HHLA2: variants seen among roughly 807,000 people sequenced by gnomAD.
The protein encoded by HHLA2 is HHLA2 member of B7 family.
A neutral mutation model predicts 45.9 loss-of-function variants in HHLA2; 48 were observed. That is an observed-to-expected ratio of 1.05 (90% confidence interval 0.83 to 1.33). The LOEUF is 1.33. Among genes scored for constraint, HHLA2 ranks in the 40% most tolerant of loss-of-function variants. The pLI is 0.00. For missense variants in HHLA2, 462 were observed against 494.3 expected (o/e 0.93, Z 0.62); for synonymous variants, 161 against 173.9 (o/e 0.93, Z 0.59).
chr3:108,358,210 G>A (rs753447233), intron 7 of HHLA2, 49 bp downstream of exon 6: 1 of 1,351,856 alleles, frequency 7.4e-7, no homozygotes, highest in South Asian at 1.4e-5. Context: ...TAGCATTAGA[G>A]GTTTGTGAAT....
intron 10 of HHLA2, 91 bp downstream of exon 9, chr3:108,376,648 C>A: frequency 1.8e-6 from 2 of 1,112,114 alleles, no homozygotes; most frequent in Non-Finnish European, 2.6e-6. Context: ...CACATATCAT[C>A]AAGCAAGACT....
chr3:108,326,006 A>G, intron 2 of HHLA2: 1 of 315,766 alleles, frequency 3.2e-6, no homozygotes, highest in Non-Finnish European at 6.1e-6. Flanking sequence ...AAAAGTTATG[A>G]AAGCAAAGCC....
chr3:108,376,845 T>G, intron 10 of HHLA2: 1 of 356,508 alleles, frequency 2.8e-6, no homozygotes, highest in Non-Finnish European at 5.1e-6. Context: ...GGTGAGCCAA[T>G]GTACTTATTC....
chr3:108,316,606 G>T (rs995317282), intron 2 of HHLA2, among the ~76,000 whole-genome samples: 1 of 152,164 alleles, frequency 6.6e-6, no homozygotes, highest in Non-Finnish European at 1.5e-5. Context: ...GAAGGGCCCA[G>T]AGGATGCTGG....
At chr3:108,337,319 G>A (rs1490548273) in intron 3 of HHLA2, among the ~76,000 whole-genome samples, 5 of 152,048 alleles carry the variant, frequency 3.3e-5, no homozygotes, top group Non-Finnish European at 7.4e-5. Flanking sequence ...GTTTACTGCC[G>A]CTTTGCTACT....
At chr3:108,360,689 T>C (rs2081971442) in intron 7 of HHLA2, among the ~76,000 whole-genome samples, 1 of 152,174 alleles carries the variant, frequency 6.6e-6, no homozygotes, top group Non-Finnish European at 1.5e-5. Flanking sequence ...CGTGACACGA[T>C]ATTTCTTCAT....
At chr3:108,323,925 ACTTTT>A (rs1253100041) in intron 2 of HHLA2, among the ~76,000 whole-genome samples, 7 of 152,152 alleles carry the variant, frequency 4.6e-5, no homozygotes, top group Non-Finnish European at 8.8e-5. Flanking sequence ...AATAAAAGCC[ACTTTT>A]CTTTTCTTAT....
Position 108,339,562 on chromosome 3 carries a change from C to CATAT in HHLA2, c.-27+11224_-27+11227dup, listed in dbSNP as rs59412444. Among the ~76,000 whole-genome samples, 654 of 150,898 alleles carry CATAT rather than the reference C, an allele frequency of 4.3e-3. 3 individuals carry two copies. Among genetic ancestry groups the CATAT allele is most frequent in the African/African-American group, 0.015 (628 of 41,280 alleles). On this transcript the variant is annotated intron_variant, in intron 3 of 10. Transcript: ENST00000619531. ...CTATATGCTATATTAGTATATAGCA[C>CATAT]ATATATATATATGTAATGCATATAT...
At chr3:108,353,859 C>G (rs1025027287) in intron 5 of HHLA2, 79 bp downstream of exon 4, 3 of 967,680 alleles carry the variant, frequency 3.1e-6, no homozygotes, top group Middle Eastern at 2.2e-4. Flanking sequence ...TCCTAATATG[C>G]CATGAGCTTC....
At chr3:108,332,735 T>A (rs945488307) in intron 3 of HHLA2, among the ~76,000 whole-genome samples, 1 of 152,178 alleles carries the variant, frequency 6.6e-6, no homozygotes, top group African/African-American at 2.4e-5. Context: ...AACAGGGAAC[T>A]CTCAGGTGAG....
intron 3 of HHLA2, among the ~76,000 whole-genome samples, chr3:108,331,201 T>G (rs1164214726): frequency 6.6e-6 from 1 of 152,220 alleles, no homozygotes; most frequent in African/African-American, 2.4e-5. Flanking sequence ...GAGTGTTTGT[T>G]AAAATGCAGG....
At chr3:108,316,976 CATGGGACTAAGTTAA>C (rs1259427627) in intron 2 of HHLA2, among the ~76,000 whole-genome samples, 8 of 152,138 alleles carry the variant, frequency 5.3e-5, no homozygotes, top group Non-Finnish European at 1.2e-4. Context: ...AGGATTTCTT[CATGGGACTAAGTTAA>C]TGTCTTCTAA....
At chr3:108,355,705 C>A (rs975793179) in intron 6 of HHLA2, among the ~76,000 whole-genome samples, 2 of 152,214 alleles carry the variant, frequency 1.3e-5, no homozygotes, top group African/African-American at 4.8e-5. Context: ...GTCAATGGCT[C>A]ATCCTTCAAA....
chr3:108,328,810 G>A (rs1266787529), intron 3 of HHLA2, among the ~76,000 whole-genome samples: 1 of 152,148 alleles, frequency 6.6e-6, no homozygotes, highest in Non-Finnish European at 1.5e-5. Context: ...ATAGGGAAGG[G>A]AACATGCCAG....
At chr3:108,337,846 T>C (rs1252668099) in intron 3 of HHLA2, among the ~76,000 whole-genome samples, 1 of 152,188 alleles carries the variant, frequency 6.6e-6, no homozygotes, top group African/African-American at 2.4e-5. Context: ...AGTGTCCTTC[T>C]AATTTCCTTC....
intron 2 of HHLA2, among the ~76,000 whole-genome samples, chr3:108,314,358 T>A (rs1243306634): frequency 7.3e-6 from 1 of 136,084 alleles, no homozygotes; most frequent in East Asian, 2.2e-4. Context: ...AAAAAAAAAA[T>A]TCCTACTCCT....
intron 3 of HHLA2, among the ~76,000 whole-genome samples, chr3:108,329,119 G>A (rs2107372886): frequency 6.6e-6 from 1 of 152,240 alleles, no homozygotes; most frequent in South Asian, 2.1e-4. Flanking sequence ...AATTTACCCT[G>A]GAATAAATGT....
At chr3:108,362,529 TAC>T in intron 8 of HHLA2, 83 bp downstream of exon 7, 8 of 867,182 alleles carry the variant, frequency 9.2e-6, no homozygotes, top group Non-Finnish European at 1.5e-5. Context: ...CCCAAACAGC[TAC>T]TGGGCATGTA....
rs187574529 is a variant in HHLA2, at chr3:108,306,213, T to A, written c.-191-4442T>A. ...TTCTCCTCACTTCTGCTTTCCCCCT[T>A]TATCCTTCACAGGAATTTTCCTCAC... On this transcript the variant is annotated intron_variant, in intron 1 of 10. Transcript: ENST00000619531. Among the ~76,000 whole-genome samples the A allele has an allele frequency of 4.6e-5, 7 of 152,302 alleles. No homozygotes were observed. The East Asian group carries it at 1.3e-3, about 29-fold the overall frequency.
Sources: allele counts gnomAD v4.1 joint callset (sites outside exome capture counted in the v4.1 genomes callset), GRCh38; gene constraint gnomAD v4.1.1; transcripts MANE v1.5; gene names NCBI Gene and HGNC (gene_info 2026-07-23, HGNC 2026-07-21).